ADGRL3: variants seen among roughly 807,000 people sequenced by gnomAD.
The protein encoded by ADGRL3 is calcium-independent alpha-latrotoxin receptor 3.
ADGRL3 carries 62 observed loss-of-function variants against 153.5 expected under a neutral mutation model. The observed-to-expected ratio is 0.40, with a 90% CI of 0.33 to 0.50. ADGRL3 has a LOEUF of 0.50. ADGRL3 is among the 20% of genes least tolerant of loss of function. The pLI, the probability that ADGRL3 is intolerant of heterozygous loss-of-function variation, is 0.47. For synonymous variants in ADGRL3, 710 were observed against 672.5 expected, an observed-to-expected ratio of 1.06 and a Z score of -0.86; for missense variants, 1,641 against 1,859.4, an observed-to-expected ratio of 0.88 and a Z score of 2.16.
chr4:61,203,715 ATTTCT>A (rs1470114539), intron 1 of ADGRL3, among the ~76,000 whole-genome samples: 2 of 152,184 alleles, frequency 1.3e-5, no homozygotes, highest in Admixed American at 6.5e-5. Context: ...GTTTGGTAAG[ATTTCT>A]TTTGTATATT....
chr4:61,895,415 G>C (rs1050518034), intron 10 of ADGRL3, among the ~76,000 whole-genome samples: 1 of 151,780 alleles, frequency 6.6e-6, no homozygotes, highest in African/African-American at 2.4e-5. Context: ...GCGGTGAGCC[G>C]AGATCTTGCC....
intron 5 of ADGRL3, among the ~76,000 whole-genome samples, chr4:61,602,019 A>C (rs1232534661): frequency 6.6e-6 from 1 of 151,644 alleles, no homozygotes; most frequent in Non-Finnish European, 1.5e-5. Flanking sequence ...AACTGGGATA[A>C]AATCTAATTT....
chr4:61,801,213 T>C (rs1360113159), intron 8 of ADGRL3, among the ~76,000 whole-genome samples: 1 of 152,140 alleles, frequency 6.6e-6, no homozygotes, highest in African/African-American at 2.4e-5. Flanking sequence ...TAAAGCCATC[T>C]TGATAAAACC....
At position 61,455,144 on chromosome 4, in the gene ADGRL3, A is replaced by G. The variant is rs577512725; in HGVS notation, c.-173-41977A>G. On this transcript the variant is annotated intron_variant, in intron 2 of 26. Transcript: ENST00000683033. Reference sequence around the variant, plus strand: ...AATAGTAATGGTGGGTTGGAGTAGGAAAAGATATTTTCTGGATTTGGAACA... The same window carrying G: ...AATAGTAATGGTGGGTTGGAGTAGGGAAAGATATTTTCTGGATTTGGAACA... 2.4e-4 allele frequency among the ~76,000 whole-genome samples: 37 copies of G among 152,256 alleles called. No individual in the cohort carries two copies. The East Asian group carries it at 4.8e-3, about 20-fold the overall frequency.
At chr4:61,862,429 G>T (rs1405859111) in intron 9 of ADGRL3, among the ~76,000 whole-genome samples, 1 of 152,150 alleles carries the variant, frequency 6.6e-6, no homozygotes, top group East Asian at 1.9e-4. Context: ...TTTTTAACTC[G>T]AGTTGTTTGT....
intron 25 of ADGRL3, among the ~76,000 whole-genome samples, chr4:62,048,232 T>C (rs983329088): frequency 1.8e-4 from 27 of 151,944 alleles, no homozygotes; most frequent in African/African-American, 6.5e-4. Flanking sequence ...TTGAGCTGTT[T>C]ATCTATTTAT....
intron 22 of ADGRL3, among the ~76,000 whole-genome samples, chr4:62,031,143 T>G (rs2151502250): frequency 6.6e-6 from 1 of 151,746 alleles, no homozygotes; most frequent in Admixed American, 6.6e-5. Flanking sequence ...CCATTCACCA[T>G]AATTACACCT....
At chr4:61,796,696 C>T (rs1470850000) in intron 8 of ADGRL3, among the ~76,000 whole-genome samples, 1 of 151,754 alleles carries the variant, frequency 6.6e-6, no homozygotes, top group Non-Finnish European at 1.5e-5. Context: ...TCTGGATAGC[C>T]TCTATTTTTT....
At chr4:61,377,191 T>A (rs2096613912) in intron 1 of ADGRL3, among the ~76,000 whole-genome samples, 1 of 152,070 alleles carries the variant, frequency 6.6e-6, no homozygotes, top group Admixed American at 6.6e-5. Context: ...TAGTATCATA[T>A]CCTAGCCCAT....
chr4:61,278,182 C>T (rs1271611869), intron 1 of ADGRL3, among the ~76,000 whole-genome samples: 1 of 152,036 alleles, frequency 6.6e-6, no homozygotes, highest in African/African-American at 2.4e-5. Flanking sequence ...CTTTGGCTGC[C>T]TATAGTTATG....
At chr4:61,749,587 TTC>T (rs1471130117) in intron 8 of ADGRL3, among the ~76,000 whole-genome samples, 2 of 152,182 alleles carry the variant, frequency 1.3e-5, no homozygotes, top group Non-Finnish European at 2.9e-5. Flanking sequence ...GAAATCATCA[TTC>T]TCAGTAAACT....
At position 61,497,200 on chromosome 4, in the gene ADGRL3, C is replaced by A; in HGVS notation, c.-94C>A. Reference sequence around the variant, plus strand: ...TTTAATTTGAAGAAAAATCATCAGTCTTGGAATACAGAAGAGAAACTAGAA... The same window carrying A: ...TTTAATTTGAAGAAAAATCATCAGTATTGGAATACAGAAGAGAAACTAGAA... On this transcript the variant is annotated 5_prime_UTR_variant, in exon 3 of 27. Transcript: ENST00000683033. The A allele has an allele frequency of 1.4e-6, 1 of 728,598 alleles. No individual in the cohort carries two copies. Among genetic ancestry groups the A allele is most frequent in the South Asian group, 1.8e-5 (1 of 56,154 alleles). The allele number at this position is 728,598 out of a possible 1,614,324, so 45.1% of individuals were successfully genotyped here.
intron 6 of ADGRL3, among the ~76,000 whole-genome samples, chr4:61,700,123 A>G (rs1200305841): frequency 6.6e-6 from 1 of 152,038 alleles, no homozygotes; most frequent in Non-Finnish European, 1.5e-5. Context: ...GTATACAAAT[A>G]CACTTAACAA....
intron 15 of ADGRL3, among the ~76,000 whole-genome samples, chr4:61,939,877 T>C (rs984572988): frequency 6.6e-6 from 1 of 152,226 alleles, no homozygotes; most frequent in African/African-American, 2.4e-5. Context: ...CTGATGATGT[T>C]CCACGTATCA....
intron 1 of ADGRL3, among the ~76,000 whole-genome samples, chr4:61,315,138 G>A (rs1441874574): frequency 6.6e-6 from 1 of 152,128 alleles, no homozygotes; most frequent in Non-Finnish European, 1.5e-5. Flanking sequence ...AGTAAGGAAG[G>A]GTGTGGAGAG....
chr4:61,316,280 A>C (rs1351374433), intron 1 of ADGRL3, among the ~76,000 whole-genome samples: 1 of 152,180 alleles, frequency 6.6e-6, no homozygotes, highest in Non-Finnish European at 1.5e-5. Context: ...AATTGGGCTT[A>C]TTTCAGGGGT....
chr4:61,985,101 C>T (rs538851188), intron 19 of ADGRL3, among the ~76,000 whole-genome samples: 1 of 151,946 alleles, frequency 6.6e-6, no homozygotes, highest in African/African-American at 2.4e-5. Context: ...TGATTTATTA[C>T]TAAAAGTGGT....
intron 25 of ADGRL3, among the ~76,000 whole-genome samples, chr4:62,067,159 A>G (rs1211331588): frequency 1.3e-5 from 2 of 152,078 alleles, no homozygotes; most frequent in Non-Finnish European, 2.9e-5. Flanking sequence ...TTCTGCTGAG[A>G]AGCAAATCAA....
At chr4:61,725,549 T>C (rs1214961174) in intron 6 of ADGRL3, among the ~76,000 whole-genome samples, 1 of 148,400 alleles carries the variant, frequency 6.7e-6, no homozygotes, top group African/African-American at 2.5e-5. Context: ...GAGCCAAGAT[T>C]GCGCCATTGC....
Sources: allele counts gnomAD v4.1 joint callset (sites outside exome capture counted in the v4.1 genomes callset), GRCh38; gene constraint gnomAD v4.1.1; transcripts MANE v1.5; gene names NCBI Gene and HGNC (gene_info 2026-07-23, HGNC 2026-07-21).